The following CRADD variants were observed in gnomAD, a reference collection of about 807,000 sequenced individuals.
CRADD encodes CARD and death domain containing adaptor protein, also known as death domain-containing protein CRADD.
CRADD carries 9 observed loss-of-function variants against 15.5 expected under a neutral mutation model. The observed-to-expected ratio is 0.58, with a 90% CI of 0.35 to 1.01. The LOEUF (loss-of-function observed/expected upper bound fraction) is 1.01, where lower values mean the gene tolerates loss of function less well. Among genes scored for constraint, CRADD ranks in the 50% least tolerant of loss-of-function variants. CRADD has a pLI of 0.02. For synonymous variants in CRADD, 118 were observed against 107.6 expected, an observed-to-expected ratio of 1.10 and a Z score of -0.60; for missense variants, 227 against 250.3, an observed-to-expected ratio of 0.91 and a Z score of 0.63.
intron 2 of CRADD, among the ~76,000 whole-genome samples, chr12:93,847,232 A>T (rs893642698): frequency 6.6e-6 from 1 of 152,186 alleles, no homozygotes; most frequent in African/African-American, 2.4e-5. Context: ...CTGGATGACT[A>T]AGTTGGTATC....
intron 2 of CRADD, among the ~76,000 whole-genome samples, chr12:93,792,783 C>T (rs1449842895): frequency 2.0e-5 from 3 of 152,168 alleles, no homozygotes; most frequent in African/African-American, 7.2e-5. Flanking sequence ...GGTCATGTAG[C>T]TACTAAGTAG....
chr12:93,719,233 G>A (rs1156367619), intron 2 of CRADD, among the ~76,000 whole-genome samples: 2 of 152,194 alleles, frequency 1.3e-5, no homozygotes, highest in Non-Finnish European at 2.9e-5. Flanking sequence ...GTCTGTTGAT[G>A]TGATGGATTA....
At chr12:93,838,214 G>GTTTTTTTTTTTTTTT (rs66564800) in intron 2 of CRADD, among the ~76,000 whole-genome samples, 2 of 130,604 alleles carry the variant, frequency 1.5e-5, no homozygotes, top group Non-Finnish European at 3.2e-5. Context: ...TCCTTTTGAG[G>GTTTTTTTTTTTTTTT]TTTTTTTTTT....
intron 2 of CRADD, among the ~76,000 whole-genome samples, chr12:93,749,102 A>T (rs1041197199): frequency 6.6e-6 from 1 of 152,208 alleles, no homozygotes; most frequent in Admixed American, 6.5e-5. Context: ...CCCTGCTGTC[A>T]TGGAAACAAA....
intron 2 of CRADD, among the ~76,000 whole-genome samples, chr12:93,797,427 G>C (rs1957431312): frequency 6.6e-6 from 1 of 152,196 alleles, no homozygotes; most frequent in Admixed American, 6.5e-5. Context: ...AGGTAGTGTA[G>C]AGACAACAGT....
intron 2 of CRADD, among the ~76,000 whole-genome samples, chr12:93,700,498 T>C (rs1592899108): frequency 6.6e-6 from 1 of 152,100 alleles, no homozygotes; most frequent in East Asian, 1.9e-4. Context: ...TGGCTTGATC[T>C]CTGCTCAGTA....
intron 2 of CRADD, among the ~76,000 whole-genome samples, chr12:93,843,887 AT>A (rs1958080029): frequency 6.6e-6 from 1 of 151,478 alleles, no homozygotes; most frequent in African/African-American, 2.4e-5. Context: ...TACCTGGCTA[AT>A]TTTTTTGTAT....
rs186402711 is a variant in CRADD, at chr12:93,780,830, T to C, written c.299-69140T>C. Among the ~76,000 whole-genome samples the C allele has an allele frequency of 3.4e-3, 468 of 135,876 alleles. 4 individuals are homozygous for C. The highest frequency in any genetic ancestry group is 0.028 in the Middle Eastern group (8 of 288). 89.1% of individuals were successfully genotyped at this position (135,876 alleles called of 152,430 possible). On this transcript the variant is annotated intron_variant, in intron 2 of 2. Transcript: ENST00000332896. ...ATCTTGGCTCACTGCAACCCCTGCC[T>C]CCTAGGTTCAAGTGATTCTCATATC...
At chr12:93,852,543 G>C (rs907213299), downstream of CRADD, among the ~76,000 whole-genome samples, 2 of 152,220 alleles carry the variant, frequency 1.3e-5, no homozygotes, top group Non-Finnish European at 2.9e-5. Flanking sequence ...GCCTGCTCAC[G>C]TGCTTGCAGA....
At chr12:93,756,907 A>G (rs1565902611) in intron 2 of CRADD, among the ~76,000 whole-genome samples, 1 of 152,112 alleles carries the variant, frequency 6.6e-6, no homozygotes, top group Non-Finnish European at 1.5e-5. Context: ...AGTCTTGAGC[A>G]CTGTCTTGAG....
intron 2 of CRADD, among the ~76,000 whole-genome samples, chr12:93,760,883 C>T (rs1469678700): frequency 6.6e-6 from 1 of 151,706 alleles, no homozygotes; most frequent in Non-Finnish European, 1.5e-5. Flanking sequence ...GAAGGGTGCC[C>T]CAGAAGAAGT....
chr12:93,759,928 C>T (rs1956931180), intron 2 of CRADD, among the ~76,000 whole-genome samples: 1 of 152,124 alleles, frequency 6.6e-6, no homozygotes, highest in Non-Finnish European at 1.5e-5. Flanking sequence ...GGCTGACCAC[C>T]TTGTCAGTTA....
At chr12:93,870,864 G>A (rs1043878088) in intron 2 of CRADD, among the ~76,000 whole-genome samples, 1 of 152,236 alleles carries the variant, frequency 6.6e-6, no homozygotes, top group Non-Finnish European at 1.5e-5. Flanking sequence ...TGATTATTTG[G>A]AAGAGAAAAT....
intron 2 of CRADD, among the ~76,000 whole-genome samples, chr12:93,719,866 C>A (rs1956228337): frequency 1.3e-5 from 2 of 152,082 alleles, no homozygotes; most frequent in Non-Finnish European, 2.9e-5. Flanking sequence ...CTGATTTCAT[C>A]TATCTTTTCA....
downstream of CRADD, among the ~76,000 whole-genome samples, chr12:93,855,539 A>C (rs138392177): frequency 2.6e-3 from 400 of 152,354 alleles, 3 homozygotes; most frequent in African/African-American, 9.0e-3. Context: ...TATCGAGTCT[A>C]TGGGAATGCA....
intron 2 of CRADD, among the ~76,000 whole-genome samples, chr12:93,763,013 C>T (rs1592969235): frequency 1.3e-5 from 2 of 152,148 alleles, no homozygotes; most frequent in Non-Finnish European, 2.9e-5. Context: ...AACTCTGAAC[C>T]CTCTAGCACT....
At chr12:93,883,405 C>T (rs1284568582) in intron 2 of CRADD, among the ~76,000 whole-genome samples, 1 of 152,212 alleles carries the variant, frequency 6.6e-6, no homozygotes, top group African/African-American at 2.4e-5. Flanking sequence ...AACTAAATCT[C>T]CTTCTTTCTT....
intron 2 of CRADD, among the ~76,000 whole-genome samples, chr12:93,719,989 T>A (rs1378139365): frequency 6.6e-6 from 1 of 152,098 alleles, no homozygotes; most frequent in Non-Finnish European, 1.5e-5. Context: ...TGGATTTAAT[T>A]TGCTTTTCTT....
intron 2 of CRADD, among the ~76,000 whole-genome samples, chr12:93,832,718 C>T (rs1461489687): frequency 6.6e-6 from 1 of 152,126 alleles, no homozygotes; most frequent in Non-Finnish European, 1.5e-5. Context: ...GAACAATCAT[C>T]AGTAGGAAAT....
Sources: gnomAD v4.1 joint callset for allele counts (sites outside exome capture counted in the v4.1 genomes callset) on GRCh38, gnomAD v4.1.1 for gene constraint, MANE v1.5 for transcripts, NCBI Gene and HGNC (gene_info 2026-07-23, HGNC 2026-07-21) for gene names.